LIMS1: variants seen among roughly 807,000 people sequenced by gnomAD.
LIMS1 encodes the protein LIM zinc finger domain containing 1, also known as LIM and senescent cell antigen-like-containing domain protein 1.
Under a neutral mutation model 44.1 loss-of-function variants are expected in LIMS1, and 18 were observed. The ratio of observed to expected loss-of-function variants is 0.41; its 90% CI spans 0.28 to 0.61. The LOEUF is 0.61. Ranked by LOEUF, LIMS1 falls within the 20% of genes least tolerant of loss-of-function variation. The pLI is 0.32. For synonymous variants in LIMS1, 93 were observed against 149.1 expected (o/e 0.62, Z 2.74); for missense variants, 201 against 422.0 (o/e 0.48, Z 4.59).
intron 1 of LIMS1, among the ~76,000 whole-genome samples, chr2:108,653,872 TA>T (rs1317962176): frequency 1.0e-5 from 1 of 99,994 alleles, no homozygotes; most frequent in Non-Finnish European, 2.2e-5. Context: ...CAGAAGTAGA[TA>T]AGAGACAAAA....
chr2:108,658,286 T>C, intron 1 of LIMS1, among the ~76,000 whole-genome samples: 1 of 88,824 alleles, frequency 1.1e-5, no homozygotes, highest in African/African-American at 4.8e-5. Flanking sequence ...GAAATCCTCA[T>C]CTAATTGTAT....
intron 1 of LIMS1, among the ~76,000 whole-genome samples, chr2:108,539,721 G>C (rs1308253811): frequency 6.6e-6 from 1 of 152,106 alleles, no homozygotes; most frequent in Non-Finnish European, 1.5e-5. Flanking sequence ...TTTTAAAATC[G>C]TGTATGTTTT....
At chr2:108,615,159 T>C (rs1372175099) in intron 1 of LIMS1, among the ~76,000 whole-genome samples, 2 of 152,178 alleles carry the variant, frequency 1.3e-5, no homozygotes, top group Admixed American at 6.5e-5. Context: ...TACATATATA[T>C]GTATCTAGTT....
At chr2:108,575,805 TTG>T (rs137909168) in intron 1 of LIMS1, among the ~76,000 whole-genome samples, 3,813 of 152,230 alleles carry the variant, frequency 0.025, 104 homozygotes, top group African/African-American at 0.064. Context: ...TTTTGTGCGT[TTG>T]TGTGTGTGTG....
At chr2:108,550,205 T>C (rs1443486770) in intron 1 of LIMS1, among the ~76,000 whole-genome samples, 1 of 152,088 alleles carries the variant, frequency 6.6e-6, no homozygotes, top group African/African-American at 2.4e-5. Flanking sequence ...TTTTTAAAAA[T>C]AAACAGCTGG....
chr2:108,546,381 C>G (rs1275621519), intron 1 of LIMS1, among the ~76,000 whole-genome samples: 2 of 146,174 alleles, frequency 1.4e-5, no homozygotes, highest in Non-Finnish European at 3.0e-5. Context: ...TCCTGGGCTT[C>G]AGGGTTCCTC....
At chr2:108,539,146 C>T (rs1250944868) in intron 1 of LIMS1, among the ~76,000 whole-genome samples, 1 of 152,174 alleles carries the variant, frequency 6.6e-6, no homozygotes. Flanking sequence ...TAAAGTGGTG[C>T]AATCATGGCT....
chr2:108,653,149 G>A, intron 1 of LIMS1, among the ~76,000 whole-genome samples: 1 of 151,722 alleles, frequency 6.6e-6, no homozygotes, highest in Non-Finnish European at 1.5e-5. Flanking sequence ...GTCCTATCTG[G>A]TACCCACTCC....
At chr2:108,569,842 C>T (rs1202508672) in intron 1 of LIMS1, among the ~76,000 whole-genome samples, 1 of 146,718 alleles carries the variant, frequency 6.8e-6, no homozygotes, top group Non-Finnish European at 1.5e-5. Context: ...CTCAGGTGAT[C>T]CTCCCACCTT....
rs1449245226 is a variant in LIMS1 at position 108,625,338 on chromosome 2, A to C, written c.33-34267A>C. Among the ~76,000 whole-genome samples, 9 of 152,286 alleles carry C rather than the reference A, an allele frequency of 5.9e-5. No individual in the cohort carries two copies. The East Asian group carries it at 1.7e-3, about 29-fold the overall frequency. On this transcript the variant is annotated intron_variant, in intron 1 of 9. Transcript: ENST00000544547. ...TGGTGGTTTTCTGCTACGCTGGCAA[A>C]GTTGAGTTGTGACACAGACCAATGT...
chr2:108,592,102 G>T (rs996996380), intron 1 of LIMS1, among the ~76,000 whole-genome samples: 3 of 152,000 alleles, frequency 2.0e-5, no homozygotes, highest in Non-Finnish European at 4.4e-5. Flanking sequence ...GCCTAGTTTT[G>T]TTTTTTTCAT....
At chr2:108,559,890 C>T (rs1213194121) in intron 1 of LIMS1, among the ~76,000 whole-genome samples, 2 of 152,190 alleles carry the variant, frequency 1.3e-5, no homozygotes, top group Non-Finnish European at 2.9e-5. Flanking sequence ...AATATTTATA[C>T]CACGGACTGT....
intron 1 of LIMS1, among the ~76,000 whole-genome samples, chr2:108,562,472 C>T (rs554428199): frequency 6.6e-5 from 10 of 152,310 alleles, no homozygotes; most frequent in African/African-American, 2.4e-4. Context: ...AGCAAAACAG[C>T]TTTATTGCTG....
At chr2:108,534,736 C>CCGGGTGG (rs1684063556) in intron 1 of LIMS1, 142 bp downstream of exon 1, 1 of 294,254 alleles carries the variant, frequency 3.4e-6, no homozygotes, top group Non-Finnish European at 5.0e-6. Context: ...GCCCCGACCC[C>CCGGGTGG]CAGCGCTCGG....
At chr2:108,623,821 CT>C (rs1688403679) in intron 1 of LIMS1, among the ~76,000 whole-genome samples, 2 of 152,194 alleles carry the variant, frequency 1.3e-5, no homozygotes, top group Admixed American at 1.3e-4. Context: ...CTTTCAGAGA[CT>C]AAAATTGGCC....
chr2:108,619,911 C>T (rs530330306), intron 1 of LIMS1, among the ~76,000 whole-genome samples: 24 of 152,200 alleles, frequency 1.6e-4, no homozygotes, highest in African/African-American at 5.3e-4. Flanking sequence ...CCAGTATTAC[C>T]GGTTTTTTGT....
intron 1 of LIMS1, among the ~76,000 whole-genome samples, chr2:108,642,355 T>TG (rs1689743413): frequency 4.1e-4 from 4 of 9,666 alleles, no homozygotes; most frequent in African/African-American, 6.7e-4. Flanking sequence ...TTTTTTTTTT[T>TG]TTGTTTTTTG....
intron 1 of LIMS1, among the ~76,000 whole-genome samples, chr2:108,541,830 T>C (rs1408002201): frequency 6.6e-6 from 1 of 152,250 alleles, no homozygotes. Context: ...GGAGCATTAA[T>C]TTAGCCCCCG....
chr2:108,596,919 T>G (rs1319816298), intron 1 of LIMS1, among the ~76,000 whole-genome samples: 1 of 131,450 alleles, frequency 7.6e-6, no homozygotes, highest in African/African-American at 3.0e-5. Context: ...ACATCTGTTT[T>G]TTTTTTTTTT....
Sources: gnomAD v4.1 joint callset for allele counts (sites outside exome capture counted in the v4.1 genomes callset) on GRCh38, gnomAD v4.1.1 for gene constraint, MANE v1.5 for transcripts, NCBI Gene and HGNC (gene_info 2026-07-23, HGNC 2026-07-21) for gene names.